The following SLC30A6 variants were observed in gnomAD, a reference collection of about 807,000 sequenced individuals.
The protein encoded by SLC30A6 is zinc transporter 6.
In SLC30A6, 55 loss-of-function variants were observed where a neutral mutation model predicts 63.0. The observed-to-expected ratio is 0.87, with a 90% CI of 0.70 to 1.09. The LOEUF (loss-of-function observed/expected upper bound fraction) is 1.09. Among genes scored for constraint, SLC30A6 ranks in the 50% least tolerant of loss-of-function variants. The pLI is 0.00. For synonymous variants in SLC30A6, 224 were observed against 186.1 expected, an observed-to-expected ratio of 1.20 and a Z score of -1.66; for missense variants, 587 against 549.2, an observed-to-expected ratio of 1.07 and a Z score of -0.69.
chr2:32,170,465 C>T (rs1014434709), intron 1 of SLC30A6, among the ~76,000 whole-genome samples: 1 of 152,216 alleles, frequency 6.6e-6, no homozygotes, highest in Non-Finnish European at 1.5e-5. Flanking sequence ...TCTCCTCTCT[C>T]ATTGGTGAGC....
chr2:32,184,971 A>G (rs749750844), intron 5 of SLC30A6, among the ~76,000 whole-genome samples: 1 of 152,244 alleles, frequency 6.6e-6, no homozygotes, highest in Non-Finnish European at 1.5e-5. Flanking sequence ...TAGATGTTAA[A>G]TAAATGTGAT....
In SLC30A6 at chr2:32,222,173, G is replaced by T. The variant is rs1268854688; in HGVS notation, c.*1460G>T. 1 of 152,160 alleles carries T rather than the reference G, an allele frequency of 6.6e-6. No individual in the cohort carries two copies. The highest frequency in any genetic ancestry group is 1.5e-5 in the Non-Finnish European group (1 of 68,034). 9.4% of individuals were successfully genotyped at this position (152,160 alleles called of 1,614,324 possible). A position where few individuals can be genotyped will look rare whatever the true frequency, so the allele number is the denominator to read the frequency against. On this transcript the variant is annotated 3_prime_UTR_variant, in exon 14 of 14. Transcript: ENST00000282587. ...GTTATTTTTTAGTTGTTTTCCAAAT[G>T]CAGAGTTTAAGGACTTTCTAACATG...
chr2:32,197,527 T>C, intron 9 of SLC30A6, 135 bp downstream of exon 9: 1 of 1,240,466 alleles, frequency 8.1e-7, no homozygotes, highest in South Asian at 1.4e-5. Context: ...ATTCTCCCTT[T>C]ACTTTTTAAT....
At chr2:32,212,894 A>ATTTTTTTTTTT (rs10522618) in intron 13 of SLC30A6, among the ~76,000 whole-genome samples, 4 of 118,244 alleles carry the variant, frequency 3.4e-5, no homozygotes, top group South Asian at 3.1e-4. Flanking sequence ...TGTGTCCAGC[A>ATTTTTTTTTTT]TTTTTTTTTT....
At chr2:32,184,379 C>T in intron 5 of SLC30A6, 41 bp downstream of exon 5, 1 of 1,162,774 alleles carries the variant, frequency 8.6e-7, no homozygotes, top group Non-Finnish European at 1.2e-6. Flanking sequence ...CTTATGACTA[C>T]TAAAATATTA....
intron 2 of SLC30A6, among the ~76,000 whole-genome samples, chr2:32,171,643 G>C (rs1485027693): frequency 6.6e-6 from 1 of 151,160 alleles, no homozygotes; most frequent in African/African-American, 2.4e-5. Context: ...TTGTTATTAA[G>C]TTTTCAAAAA....
chr2:32,183,709 G>T (rs111859882), intron 4 of SLC30A6, among the ~76,000 whole-genome samples: 302 of 147,484 alleles, frequency 2.0e-3, no homozygotes, highest in Non-Finnish European at 3.4e-3. Flanking sequence ...AAAAAAGCAT[G>T]CCTTTTATTA....
At chr2:32,203,798 A>G (rs1684502638) in intron 10 of SLC30A6, 16 of 1,479,228 alleles carry the variant, frequency 1.1e-5, no homozygotes, top group South Asian at 8.0e-5. Context: ...ATTGAAGAAT[A>G]TTATGATAGA....
At chr2:32,200,923 C>T (rs542305362) in intron 10 of SLC30A6, among the ~76,000 whole-genome samples, 2 of 152,286 alleles carry the variant, frequency 1.3e-5, no homozygotes, top group African/African-American at 2.4e-5. Flanking sequence ...AGTAATCAGG[C>T]CCCTACCAAC....
At chr2:32,169,498 G>A (rs1391552020) in intron 1 of SLC30A6, among the ~76,000 whole-genome samples, 1 of 152,162 alleles carries the variant, frequency 6.6e-6, no homozygotes, top group Non-Finnish European at 1.5e-5. Context: ...ATATTTATTG[G>A]CTGGGTGCGG....
In SLC30A6 at chr2:32,197,966, G is replaced by GT. The variant is rs1253585881; in HGVS notation, c.665+141dup. The GT allele has an allele frequency of 9.0e-6, 9 of 998,400 alleles. No homozygotes were observed. In the Admixed American group the frequency reaches 1.1e-4, roughly 13 times the overall value. 61.8% of individuals were successfully genotyped at this position (998,400 alleles called of 1,614,324 possible). A position where few individuals can be genotyped will look rare whatever the true frequency, so the allele number is the denominator to read the frequency against. On this transcript the variant is annotated intron_variant, in intron 10 of 13. Transcript: ENST00000282587. ...AACTTAGATCACATCTTTTCCTTAG[G>GT]TGTCTTCATCTGAAAAATTAAGGGG...
At chr2:32,173,375 C>A (rs1029351117) in intron 2 of SLC30A6, among the ~76,000 whole-genome samples, 2 of 141,308 alleles carry the variant, frequency 1.4e-5, no homozygotes, top group African/African-American at 5.2e-5. Flanking sequence ...AAAGTCAGTA[C>A]TTTTTTTTTT....
intron 13 of SLC30A6, among the ~76,000 whole-genome samples, chr2:32,214,152 G>A (rs1359070161): frequency 2.0e-5 from 3 of 152,014 alleles, no homozygotes; most frequent in Non-Finnish European, 4.4e-5. Context: ...GGCCAGGCTG[G>A]TCTCGAACTC....
Position 32,197,703 on chromosome 2 carries a change from T to G in SLC30A6, c.546-4T>G, listed in dbSNP as rs754192620. On this transcript the variant is annotated splice_region_variant and splice_polypyrimidine_tract_variant and intron_variant, in intron 9 of 13. Coordinates refer to ENST00000282587, the MANE Select transcript of SLC30A6 (RefSeq NM_017964.5). Reference sequence around the variant, plus strand: ...GGATACTCTTTCTGTTTGTTTTTTCTTAGCTTGTGTGGAATTATTCCGGGA... The same window carrying G: ...GGATACTCTTTCTGTTTGTTTTTTCGTAGCTTGTGTGGAATTATTCCGGGA... 2 of 1,614,036 alleles carry G rather than the reference T, an allele frequency of 1.2e-6. No homozygotes were observed. The highest frequency in any genetic ancestry group is 1.1e-5 in the South Asian group (1 of 91,060).
In SLC30A6 at chr2:32,171,270, A is replaced by G. The variant is rs745547656; in HGVS notation, c.4-17A>G. The G allele has an allele frequency of 8.0e-5, 128 of 1,604,414 alleles. No individual in the cohort carries two copies. Among genetic ancestry groups the G allele is most frequent in the Non-Finnish European group, 6.6e-5 (77 of 1,171,606 alleles). ...ATTAAATATCTAAATGCTGATTTGT[A>G]TATGTTTGTTTGAAAGGGGACAATT... is the stretch of plus-strand genomic sequence containing the variant. On this transcript the variant is annotated splice_polypyrimidine_tract_variant and intron_variant, in intron 1 of 13. Transcript: ENST00000282587.
Position 32,216,579 on chromosome 2 carries a change from AAAT to A in SLC30A6, c.886-3624_886-3622del, listed in dbSNP as rs34876951. ...TAAATAAATAAATAAATAAATAAAT[AAAT>A]AATAATAATGATAGTAGCCATTCTG... is the stretch of plus-strand genomic sequence containing the variant. On this transcript the variant is annotated intron_variant, in intron 13 of 13. Transcript: ENST00000282587. Among the ~76,000 whole-genome samples, 839 of 138,616 alleles carry A rather than the reference AAAT, an allele frequency of 6.1e-3. 5 individuals are homozygous for A. The highest frequency in any genetic ancestry group is 9.6e-3 in the South Asian group (43 of 4,496). The allele number at this position is 138,616 out of a possible 152,430, so 90.9% of individuals were successfully genotyped here. A position where few individuals can be genotyped will look rare whatever the true frequency, so the allele number is the denominator to read the frequency against.
At chr2:32,216,263 C>T (rs924664671) in intron 13 of SLC30A6, among the ~76,000 whole-genome samples, 1 of 152,076 alleles carries the variant, frequency 6.6e-6, no homozygotes, top group Admixed American at 6.6e-5. Context: ...TGGCTGGGCG[C>T]GGTGGCTCAT....
rs1215541232 is a variant in SLC30A6 at position 32,193,013 on chromosome 2, T to C, written c.401+60T>C. The C allele has an allele frequency of 1.9e-5, 21 of 1,097,762 alleles. No homozygotes were observed. The South Asian group carries it at 2.4e-4, about 13-fold the overall frequency. 68.0% of individuals were successfully genotyped at this position (1,097,762 alleles called of 1,614,324 possible). ...GATTCTTAATTATTAATTGATGTATTATTAAACAGTTGGCCAATGTCAGAT... is the reference window on the plus strand; with the variant it reads ...GATTCTTAATTATTAATTGATGTATCATTAAACAGTTGGCCAATGTCAGAT... On this transcript the variant is annotated intron_variant, in intron 7 of 13. Transcript: ENST00000282587.
chr2:32,219,390 C>A (rs1488851339), intron 13 of SLC30A6, among the ~76,000 whole-genome samples: 1 of 151,682 alleles, frequency 6.6e-6, no homozygotes, highest in Non-Finnish European at 1.5e-5. Context: ...CTCTCCCTCT[C>A]TTCTCTCTCC....
Sources: allele counts gnomAD v4.1 joint callset (sites outside exome capture counted in the v4.1 genomes callset), GRCh38; gene constraint gnomAD v4.1.1; transcripts MANE v1.5; gene names NCBI Gene and HGNC (gene_info 2026-07-23, HGNC 2026-07-21).